The following PTPRN2 variants were observed in gnomAD, a reference collection of about 807,000 sequenced individuals.
The protein encoded by PTPRN2 is receptor-type tyrosine-protein phosphatase N2.
A neutral mutation model predicts 118.8 loss-of-function variants in PTPRN2; 74 were observed. The observed-to-expected ratio is 0.62, with a 90% confidence interval of 0.52 to 0.76. PTPRN2 has a LOEUF of 0.76. Ranked by LOEUF, PTPRN2 falls within the 30% of genes least tolerant of loss-of-function variation. The pLI is 0.00. For missense variants in PTPRN2, 1,481 were observed against 1,394.4 expected (o/e 1.06, Z -0.99); for synonymous variants, 641 against 608.0 (o/e 1.05, Z -0.80).
intron 11 of PTPRN2, among the ~76,000 whole-genome samples, chr7:158,066,298 C>T (rs1810769175): frequency 6.6e-6 from 1 of 152,218 alleles, no homozygotes; most frequent in Non-Finnish European, 1.5e-5. Context: ...GCCTTCTCTG[C>T]AAACAGCCAC....
chr7:157,832,653 G>A (rs1374972873), intron 12 of PTPRN2, among the ~76,000 whole-genome samples: 1 of 152,192 alleles, frequency 6.6e-6, no homozygotes, highest in Non-Finnish European at 1.5e-5. Context: ...GGGAGGTGAG[G>A]GTGAGAAGGA....
intron 12 of PTPRN2, among the ~76,000 whole-genome samples, chr7:157,726,452 C>T (rs1210700573): frequency 2.0e-5 from 3 of 152,238 alleles, no homozygotes; most frequent in Non-Finnish European, 4.4e-5. Context: ...TGAGCCAGAC[C>T]GTCACCTCCC....
intron 3 of PTPRN2, among the ~76,000 whole-genome samples, chr7:158,272,903 TG>T: frequency 6.6e-6 from 1 of 152,166 alleles, no homozygotes; most frequent in Non-Finnish European, 1.5e-5. Context: ...GGCTTGGCTG[TG>T]TTGCCCCCCA....
At chr7:157,565,758 T>C (rs1799454135) in intron 21 of PTPRN2, among the ~76,000 whole-genome samples, 1 of 152,170 alleles carries the variant, frequency 6.6e-6, no homozygotes. Context: ...TTGGAAAATA[T>C]CTTGCTTGAA....
At chr7:157,898,939 C>T (rs950212968) in intron 11 of PTPRN2, among the ~76,000 whole-genome samples, 6 of 152,354 alleles carry the variant, frequency 3.9e-5, no homozygotes, top group African/African-American at 7.2e-5. Flanking sequence ...GCGTCCACCT[C>T]GGGCCGGCAC....
chr7:158,532,724 G>A (rs747174159), intron 1 of PTPRN2: 24 of 534,382 alleles, frequency 4.5e-5, no homozygotes, highest in South Asian at 2.4e-4. Flanking sequence ...AGCAACAGGC[G>A]CTTCCTCCAG....
chr7:157,576,780 C>A lies in PTPRN2; in HGVS notation c.2617-1G>T. The A allele has an allele frequency of 6.3e-7, 1 of 1,598,232 alleles. No individual in the cohort carries two copies. ...AGATGTGCTCGGAGACCAGGTTCAC[C>A]TGGCAGGGAGGAGCGGAGGGAGGGG... On this transcript the variant is annotated splice_acceptor_variant, in intron 18 of 22. Coordinates refer to ENST00000389418, the MANE Select transcript of PTPRN2 (RefSeq NM_002847.5). LOFTEE classifies it high-confidence loss of function.
chr7:158,457,518 CG>C (rs1818613709), intron 2 of PTPRN2, among the ~76,000 whole-genome samples: 2 of 148,196 alleles, frequency 1.3e-5, no homozygotes, highest in African/African-American at 5.0e-5. Flanking sequence ...CTCTCCAGGG[CG>C]AGCCTGGCCT....
At chr7:157,640,857 CAA>C (rs1409560278) in intron 14 of PTPRN2, among the ~76,000 whole-genome samples, 1 of 152,040 alleles carries the variant, frequency 6.6e-6, no homozygotes, top group Non-Finnish European at 1.5e-5. Flanking sequence ...CATTTTCAGA[CAA>C]AGAGAAGGAA....
intron 3 of PTPRN2, among the ~76,000 whole-genome samples, chr7:158,281,832 C>A (rs979388834): frequency 3.3e-5 from 5 of 152,238 alleles, no homozygotes; most frequent in Non-Finnish European, 7.3e-5. Context: ...CCAGAATAAA[C>A]CCTGCTAGTT....
intron 1 of PTPRN2, among the ~76,000 whole-genome samples, chr7:158,579,853 C>T (rs1019545582): frequency 3.9e-5 from 6 of 152,286 alleles, no homozygotes; most frequent in East Asian, 1.9e-4. Flanking sequence ...ACATGGATGC[C>T]GCAAGTCTTC....
In PTPRN2 at chr7:158,161,262, A is replaced by G. The variant is rs74580271; in HGVS notation, c.910+5669T>C. On this transcript the variant is annotated intron_variant, in intron 6 of 22. Coordinates refer to ENST00000389418, the MANE Select transcript of PTPRN2 (RefSeq NM_002847.5). ...TAGAGGCGAGTGACCCATAACAGCC[A>G]ACACAATACTGAAGAAGAACAAAGG... Among the ~76,000 whole-genome samples, 636 of 152,340 alleles carry G rather than the reference A, an allele frequency of 4.2e-3. 14 individuals are homozygous for G. In the East Asian group the frequency reaches 0.058, roughly 14 times the overall value.
intron 11 of PTPRN2, among the ~76,000 whole-genome samples, chr7:157,931,809 C>T (rs1585037962): frequency 6.6e-6 from 1 of 152,084 alleles, no homozygotes; most frequent in Non-Finnish European, 1.5e-5. Flanking sequence ...CAGGGCGGGG[C>T]AACATGGCAG....
At chr7:158,232,639 A>T (rs1829239488) in intron 3 of PTPRN2, among the ~76,000 whole-genome samples, 1 of 152,134 alleles carries the variant, frequency 6.6e-6, no homozygotes, top group African/African-American at 2.4e-5. Flanking sequence ...GACAAGACAA[A>T]AAAAAAGGAG....
In PTPRN2 at chr7:157,893,558, T is replaced by A. The variant is rs148851891; in HGVS notation, c.1788+5115A>T. On this transcript the variant is annotated intron_variant, in intron 12 of 22. Transcript: ENST00000389418. The surrounding 1 kb of genome is among the most constrained non-coding windows in gnomAD (Gnocchi z 4.0). ...GACAGAGCTTCACAAGGAGCAGTGA[T>A]GCCATTTCCATTAAGAGATAAGAAA... Among the ~76,000 whole-genome samples the A allele has an allele frequency of 8.0e-4, 122 of 152,326 alleles. 1 individual carries two copies. Among genetic ancestry groups the A allele is most frequent in the African/African-American group, 2.6e-3 (110 of 41,574 alleles).
intron 11 of PTPRN2, among the ~76,000 whole-genome samples, chr7:158,012,989 T>A (rs1210994901): frequency 6.6e-6 from 1 of 152,082 alleles, no homozygotes; most frequent in Non-Finnish European, 1.5e-5. Flanking sequence ...CAGACAGAAG[T>A]AGAGATTTAG....
At chr7:158,109,738 A>T (rs535626533) in intron 10 of PTPRN2, among the ~76,000 whole-genome samples, 1 of 152,074 alleles carries the variant, frequency 6.6e-6, no homozygotes, top group African/African-American at 2.4e-5. Context: ...GTGATGAGTC[A>T]CTGAGTGAAT....
At chr7:158,562,277 T>C (rs1398737675) in intron 1 of PTPRN2, among the ~76,000 whole-genome samples, 1 of 152,036 alleles carries the variant, frequency 6.6e-6, no homozygotes, top group Non-Finnish European at 1.5e-5. Flanking sequence ...GCGAGGAAGC[T>C]CTCTGGAGCT....
intron 9 of PTPRN2, among the ~76,000 whole-genome samples, chr7:158,119,619 G>C (rs1048656434): frequency 6.6e-5 from 10 of 151,898 alleles, no homozygotes; most frequent in Non-Finnish European, 1.2e-4. Context: ...AAGAGGGAGA[G>C]AGAGAGAGAG....
Sources: gnomAD v4.1 joint callset for allele counts (sites outside exome capture counted in the v4.1 genomes callset) on GRCh38, gnomAD v4.1.1 for gene constraint, Gnocchi (gnomAD v3.1) non-coding constraint, MANE v1.5 for transcripts, NCBI Gene and HGNC (gene_info 2026-07-23, HGNC 2026-07-21) for gene names.